The following CFAP44 variants were observed in gnomAD, a reference collection of about 807,000 sequenced individuals.
CFAP44 encodes the protein cilia- and flagella-associated protein 44.
CFAP44 carries 134 observed loss-of-function variants against 216.2 expected under a neutral mutation model. The observed-to-expected ratio is 0.62, with a 90% confidence interval of 0.54 to 0.72. CFAP44 has a LOEUF of 0.72. Ranked by LOEUF, CFAP44 falls within the 30% of genes least tolerant of loss-of-function variation. CFAP44 has a pLI of 0.00. For missense variants in CFAP44, 2,035 were observed against 2,182.1 expected (o/e 0.93, Z 1.34); for synonymous variants, 700 against 727.6 (o/e 0.96, Z 0.61).
intron 28 of CFAP44, among the ~76,000 whole-genome samples, chr3:113,310,031 G>A (rs1203569945): frequency 6.6e-6 from 1 of 152,154 alleles, no homozygotes; most frequent in African/African-American, 2.4e-5. Flanking sequence ...ATCAGCAAAG[G>A]TTAAGTGGAG....
At chr3:113,352,624 A>AAGG (rs1384645883) in intron 22 of CFAP44, among the ~76,000 whole-genome samples, 2 of 152,246 alleles carry the variant, frequency 1.3e-5, no homozygotes, top group Non-Finnish European at 2.9e-5. Flanking sequence ...TGTAGAATAA[A>AAGG]AGGCAAATAT....
At chr3:113,325,227 G>C (rs138640334) in intron 28 of CFAP44, among the ~76,000 whole-genome samples, 4 of 149,622 alleles carry the variant, frequency 2.7e-5, no homozygotes, top group Admixed American at 2.0e-4. Context: ...GTGTGAACCC[G>C]AGGGCGGAGC....
intron 15 of CFAP44, among the ~76,000 whole-genome samples, chr3:113,384,639 C>A (rs951586512): frequency 6.6e-6 from 1 of 152,134 alleles, no homozygotes; most frequent in African/African-American, 2.4e-5. Context: ...AAACAGCTGT[C>A]TGCAAGCCAA....
intron 1 of CFAP44, among the ~76,000 whole-genome samples, chr3:113,437,722 G>C (rs1935269591): frequency 6.6e-6 from 1 of 152,184 alleles, no homozygotes; most frequent in Non-Finnish European, 1.5e-5. Context: ...AGGTGGGAGA[G>C]ACTCCTGTTC....
intron 21 of CFAP44, chr3:113,362,914 T>G: frequency 3.1e-6 from 4 of 1,270,560 alleles, no homozygotes; most frequent in Non-Finnish European, 3.9e-6. Context: ...ATGTGTTCTA[T>G]AACAACAGTT....
chr3:113,299,628 C>T (rs1229322789), intron 32 of CFAP44, among the ~76,000 whole-genome samples: 1 of 152,188 alleles, frequency 6.6e-6, no homozygotes, highest in African/African-American at 2.4e-5. Flanking sequence ...TTTATTGCAG[C>T]ACTATTCATA....
chr3:113,375,853 T>A (rs924138774), intron 17 of CFAP44, among the ~76,000 whole-genome samples: 19 of 149,948 alleles, frequency 1.3e-4, no homozygotes, highest in African/African-American at 3.7e-4. Context: ...ATAAATAAAA[T>A]CACCTCTAAA....
At chr3:113,440,046 G>A (rs927078307) in intron 1 of CFAP44, among the ~76,000 whole-genome samples, 1 of 152,064 alleles carries the variant, frequency 6.6e-6, no homozygotes, top group African/African-American at 2.4e-5. Context: ...CTATGAGGTA[G>A]GTACCATTAT....
chr3:113,401,336 G>T (rs1261641267), intron 10 of CFAP44, 49 bp from the exon 11 acceptor site: 2 of 1,500,532 alleles, frequency 1.3e-6, no homozygotes, highest in Non-Finnish European at 9.0e-7. Context: ...ACTTTCATCA[G>T]ATTTTTTAAA....
intron 7 of CFAP44, 68 bp downstream of exon 7, chr3:113,409,038 C>A (rs1399979218): frequency 8.0e-6 from 6 of 747,560 alleles, no homozygotes; most frequent in South Asian, 2.3e-5. Context: ...AAGTCTCCAG[C>A]TCTTAGATCC....
intron 4 of CFAP44, 55 bp downstream of exon 4, chr3:113,426,069 T>C (rs1934951437): frequency 6.3e-7 from 1 of 1,591,538 alleles, no homozygotes. Flanking sequence ...TTTGCTGACC[T>C]CTGACCTAAG....
chr3:113,374,363 T>TTGTATTTA (rs1933267235), intron 17 of CFAP44, among the ~76,000 whole-genome samples: 1 of 146,674 alleles, frequency 6.8e-6, no homozygotes, highest in African/African-American at 2.5e-5. Flanking sequence ...TGTCAATTTC[T>TTGTATTTA]TTTATTTATT....
intron 22 of CFAP44, among the ~76,000 whole-genome samples, chr3:113,347,548 G>A (rs1227443525): frequency 6.6e-6 from 1 of 152,098 alleles, no homozygotes; most frequent in East Asian, 1.9e-4. Context: ...TAAACTTCAG[G>A]ACTCTGTTCC....
At chr3:113,379,213 A>T in intron 17 of CFAP44, 93 bp downstream of exon 17, 1 of 966,680 alleles carries the variant, frequency 1.0e-6, no homozygotes, top group Non-Finnish European at 1.4e-6. Context: ...GATAAATGAA[A>T]TCTTAACATA....
intron 28 of CFAP44, among the ~76,000 whole-genome samples, chr3:113,311,137 G>C (rs1015723308): frequency 1.3e-5 from 2 of 152,164 alleles, no homozygotes; most frequent in Non-Finnish European, 2.9e-5. Flanking sequence ...AAACAGCCAT[G>C]ATAAAAATGC....
At chr3:113,327,953 T>C in intron 26 of CFAP44, 134 bp from the exon 27 acceptor site, 3 of 736,190 alleles carry the variant, frequency 4.1e-6, no homozygotes, top group Non-Finnish European at 6.4e-6. Context: ...TGTGTGTGTA[T>C]AGTCACAAAA....
intron 24 of CFAP44, among the ~76,000 whole-genome samples, chr3:113,335,034 A>G (rs576433318): frequency 6.8e-4 from 104 of 152,288 alleles, no homozygotes; most frequent in Non-Finnish European, 1.3e-3. Flanking sequence ...AAGAAAAGGA[A>G]AGGAGAAAGG....
intron 6 of CFAP44, among the ~76,000 whole-genome samples, chr3:113,413,906 G>A (rs1316693943): frequency 6.6e-6 from 1 of 152,180 alleles, no homozygotes; most frequent in African/African-American, 2.4e-5. Context: ...GAATGCTAAT[G>A]GTAGTTTGAT....
At chr3:113,315,309 AG>A (rs914990020) in intron 28 of CFAP44, among the ~76,000 whole-genome samples, 2 of 152,176 alleles carry the variant, frequency 1.3e-5, no homozygotes, top group African/African-American at 4.8e-5. Context: ...TAGACTTTAG[AG>A]CAAAGAAAAT....
Sources: allele counts gnomAD v4.1 joint callset (sites outside exome capture counted in the v4.1 genomes callset), GRCh38; gene constraint gnomAD v4.1.1; transcripts MANE v1.5; gene names NCBI Gene and HGNC (gene_info 2026-07-23, HGNC 2026-07-21).